The following KCNQ1OT1 variants were observed in gnomAD, a reference collection of about 807,000 sequenced individuals.
The protein encoded by KCNQ1OT1 is KCNQ1 opposite strand/antisense transcript 1.
At position 2,673,604 on chromosome 11, in the gene KCNQ1OT1, G is replaced by A. The variant is rs987560776; in HGVS notation, n.26391C>T. 1.3e-5 allele frequency: 5 copies of A among 398,642 alleles called. No individual in the cohort carries two copies. The highest frequency in any genetic ancestry group is 1.3e-4 in the South Asian group (1 of 7,866). The allele number at this position is 398,642 out of a possible 1,614,324, so 24.7% of individuals were successfully genotyped here. On this transcript the variant is annotated non_coding_transcript_exon_variant, in exon 1 of 1. Transcript: ENST00000597346. This position sits in a 1 kb window ranked among gnomAD's most constrained non-coding sequence, Gnocchi z 4.5. Reference sequence around the variant, plus strand: ...TACTTGGGCTAAAGAGAAGCTAAACGTGACCAGCCTACCCACCTTGCTACT... The same window carrying A: ...TACTTGGGCTAAAGAGAAGCTAAACATGACCAGCCTACCCACCTTGCTACT...
chr11:2,676,144 C>CTGTA lies in KCNQ1OT1; in HGVS notation n.23847_23850dup. The CTGTA allele has an allele frequency of 5.0e-6, 2 of 398,586 alleles. No homozygotes were observed. Among genetic ancestry groups the CTGTA allele is most frequent in the East Asian group, 7.1e-5 (2 of 28,080 alleles). The allele number at this position is 398,586 out of a possible 1,614,324, so 24.7% of individuals were successfully genotyped here. ...TCCTTTTTATACAAATGGTAGCATA[C>CTGTA]TGTATGTATTTTTCTACACTTTGCC... On this transcript the variant is annotated non_coding_transcript_exon_variant, in exon 1 of 1. Coordinates refer to ENST00000597346, the Ensembl canonical transcript of KCNQ1OT1. The surrounding 1 kb of genome is among the most constrained non-coding windows in gnomAD (Gnocchi z 4.2).
chr11:2,660,617 A>G (rs1284252131), exon 1 of KCNQ1OT1: 2 of 398,548 alleles, frequency 5.0e-6, no homozygotes, highest in Admixed American at 4.4e-5. Flanking sequence ...TGCCAAGCCC[A>G]TAAAAGGTAT....
chr11:2,678,966 G>C lies in KCNQ1OT1; in HGVS notation n.21029C>G. 2.5e-6 allele frequency: 1 copy of C among 398,574 alleles called. No individual in the cohort carries two copies. Among genetic ancestry groups the C allele is most frequent in the Non-Finnish European group, 4.4e-6 (1 of 226,058 alleles). The allele number at this position is 398,574 out of a possible 1,614,324, so 24.7% of individuals were successfully genotyped here. A position where few individuals can be genotyped will look rare whatever the true frequency, so the allele number is the denominator to read the frequency against. On this transcript the variant is annotated non_coding_transcript_exon_variant, in exon 1 of 1. Coordinates refer to ENST00000597346, the Ensembl canonical transcript of KCNQ1OT1. The surrounding 1 kb of genome is among the most constrained non-coding windows in gnomAD (Gnocchi z 4.9). ...TGCTAACTCAATAGAGAACAAAAGA[G>C]CAAATAGGCCTAATTCAAGAATTTT... is the stretch of plus-strand genomic sequence containing the variant.
In KCNQ1OT1 at chr11:2,669,102, T is replaced by G. The variant is rs1850136299; in HGVS notation, n.30893A>C. The G allele has an allele frequency of 2.5e-6, 1 of 398,592 alleles. No homozygotes were observed. The highest frequency in any genetic ancestry group is 4.4e-5 in the Admixed American group (1 of 22,722). 24.7% of individuals were successfully genotyped at this position (398,592 alleles called of 1,614,324 possible). On this transcript the variant is annotated non_coding_transcript_exon_variant, in exon 1 of 1. Transcript: ENST00000597346. This position sits in a 1 kb window ranked among gnomAD's most constrained non-coding sequence, Gnocchi z 5.6. The stretch of plus-strand genomic sequence containing the variant: ...ATCAGTGTCTTTACAATCAGCTCAC[T>G]GGCTACGTGTGGCTCTGTTTCTGGA...
exon 1 of KCNQ1OT1, chr11:2,681,910 A>G: frequency 2.5e-6 from 1 of 398,636 alleles, no homozygotes. Context: ...GCCATAATGA[A>G]CACACGTTTA....
exon 1 of KCNQ1OT1, chr11:2,641,489 G>T (rs891617936): frequency 1.3e-5 from 5 of 397,734 alleles, no homozygotes; most frequent in African/African-American, 4.1e-5. Flanking sequence ...GAATTAATTT[G>T]TTGTTTACTA....
chr11:2,663,799 C>T lies in KCNQ1OT1; in HGVS notation n.36196G>A. 1 of 398,712 alleles carries T rather than the reference C, an allele frequency of 2.5e-6. No individual in the cohort carries two copies. The highest frequency in any genetic ancestry group is 4.4e-6 in the Non-Finnish European group (1 of 226,126). 24.7% of individuals were successfully genotyped at this position (398,712 alleles called of 1,614,324 possible). On this transcript the variant is annotated non_coding_transcript_exon_variant, in exon 1 of 1. Coordinates refer to ENST00000597346, the Ensembl canonical transcript of KCNQ1OT1. This position sits in a 1 kb window ranked among gnomAD's most constrained non-coding sequence, Gnocchi z 5.2. The stretch of plus-strand genomic sequence containing the variant: ...CTTGCAGCTGCCCAGTAAATCACCA[C>T]TATGGGGGTGAGGGCTGCCAGTGCT...
At position 2,679,209 on chromosome 11, in the gene KCNQ1OT1, C is replaced by G. The variant is rs1393311626; in HGVS notation, n.20786G>C. Reference sequence around the variant, plus strand: ...GCCACCTGTAACAATGCAGCCCCATCCATGTGAAGCTGGTCCAGAGGACTA... The same window carrying G: ...GCCACCTGTAACAATGCAGCCCCATGCATGTGAAGCTGGTCCAGAGGACTA... On this transcript the variant is annotated non_coding_transcript_exon_variant, in exon 1 of 1. Coordinates refer to ENST00000597346, the Ensembl canonical transcript of KCNQ1OT1. This position sits in a 1 kb window ranked among gnomAD's most constrained non-coding sequence, Gnocchi z 4.8. The G allele has an allele frequency of 2.5e-6, 1 of 398,510 alleles. No homozygotes were observed. Among genetic ancestry groups the G allele is most frequent in the Non-Finnish European group, 4.4e-6 (1 of 226,092 alleles). The allele number at this position is 398,510 out of a possible 1,614,324, so 24.7% of individuals were successfully genotyped here.
At chr11:2,686,009 G>A (rs1159408782) in exon 1 of KCNQ1OT1, 1 of 398,934 alleles carries the variant, frequency 2.5e-6, no homozygotes. Flanking sequence ...AGAAGAGTCA[G>A]GGGGGCTCAC....
rs1849884410 is a variant in KCNQ1OT1 at position 2,658,110 on chromosome 11, C to A, written n.41885G>T. 2 of 398,016 alleles carry A rather than the reference C, an allele frequency of 5.0e-6. No individual in the cohort carries two copies. The highest frequency in any genetic ancestry group is 2.1e-5 in the African/African-American group (1 of 48,490). The allele number at this position is 398,016 out of a possible 1,614,324, so 24.7% of individuals were successfully genotyped here. On this transcript the variant is annotated non_coding_transcript_exon_variant, in exon 1 of 1. Coordinates refer to ENST00000597346, the Ensembl canonical transcript of KCNQ1OT1. The surrounding 1 kb of genome is among the most constrained non-coding windows in gnomAD (Gnocchi z 4.9). ...AACTCTACCTCCTGCAGGAGAGTAT[C>A]AAAAAAAATCTGCAAATATGTTAAA...
exon 1 of KCNQ1OT1, chr11:2,680,638 A>T: frequency 2.5e-6 from 1 of 398,604 alleles, no homozygotes; most frequent in African/African-American, 2.1e-5. Context: ...TCTGACCAGG[A>T]TATTGCATTG....
chr11:2,628,529 ATATT>A, exon 1 of KCNQ1OT1: 1 of 398,450 alleles, frequency 2.5e-6, no homozygotes, highest in Non-Finnish European at 4.4e-6. Context: ...TTCCTTATAT[ATATT>A]GGATATTAAT....
exon 1 of KCNQ1OT1, chr11:2,644,232 C>T: frequency 2.5e-6 from 1 of 398,482 alleles, no homozygotes; most frequent in Non-Finnish European, 4.4e-6. Context: ...GAAGGTGTCA[C>T]CTTATGGCAT....
chr11:2,693,195 TC>T, exon 1 of KCNQ1OT1: 1 of 398,716 alleles, frequency 2.5e-6, no homozygotes, highest in Non-Finnish European at 4.4e-6. Flanking sequence ...GGCTCTGCGT[TC>T]CAGTCAGACC....
In KCNQ1OT1 at chr11:2,679,076, C is replaced by T. The variant is rs182498922; in HGVS notation, n.20919G>A. 2 of 398,640 alleles carry T rather than the reference C, an allele frequency of 5.0e-6. No individual in the cohort carries two copies. The highest frequency in any genetic ancestry group is 8.8e-5 in the Admixed American group (2 of 22,744). 24.7% of individuals were successfully genotyped at this position (398,640 alleles called of 1,614,324 possible). A position where few individuals can be genotyped will look rare whatever the true frequency, so the allele number is the denominator to read the frequency against. ...AACCACCAAAAAAACCCACTAACACCATAAAGTGTCATAGCTAGAGCTAGA... is the reference window on the plus strand; with the variant it reads ...AACCACCAAAAAAACCCACTAACACTATAAAGTGTCATAGCTAGAGCTAGA... On this transcript the variant is annotated non_coding_transcript_exon_variant, in exon 1 of 1. Coordinates refer to ENST00000597346, the Ensembl canonical transcript of KCNQ1OT1. This position sits in a 1 kb window ranked among gnomAD's most constrained non-coding sequence, Gnocchi z 4.8.
chr11:2,608,511 T>C lies in KCNQ1OT1; in HGVS notation n.91484A>G. ...CTTTTTGAGAAACAGAGTCTCTCTCTGTTGCCCAGGCTGGAATAGAGTGGT... is the reference window on the plus strand; with the variant it reads ...CTTTTTGAGAAACAGAGTCTCTCTCCGTTGCCCAGGCTGGAATAGAGTGGT... On this transcript the variant is annotated non_coding_transcript_exon_variant, in exon 1 of 1. Transcript: ENST00000597346. The surrounding 1 kb of genome is among the most constrained non-coding windows in gnomAD (Gnocchi z 4.6). The C allele has an allele frequency of 2.5e-6, 1 of 398,552 alleles. No individual in the cohort carries two copies. The highest frequency in any genetic ancestry group is 4.4e-6 in the Non-Finnish European group (1 of 226,008). 24.7% of individuals were successfully genotyped at this position (398,552 alleles called of 1,614,324 possible).
exon 1 of KCNQ1OT1, chr11:2,686,899 A>G (rs1409777996): frequency 5.0e-6 from 2 of 398,590 alleles, no homozygotes; most frequent in Admixed American, 8.8e-5. Flanking sequence ...CTGAAGATAG[A>G]GGCAACCCAA....
In KCNQ1OT1 at chr11:2,619,450, G is replaced by A. The variant is rs572529238; in HGVS notation, n.80545C>T. 42 of 398,512 alleles carry A rather than the reference G, an allele frequency of 1.1e-4. No individual in the cohort carries two copies. In the South Asian group the frequency reaches 5.2e-3, roughly 50 times the overall value. The allele number at this position is 398,512 out of a possible 1,614,324, so 24.7% of individuals were successfully genotyped here. A position where few individuals can be genotyped will look rare whatever the true frequency, so the allele number is the denominator to read the frequency against. ...ATGATCATGTGGTTTTCATCTTTCA[G>A]TCTGTTAGTATCACATTGATTGCTA... On this transcript the variant is annotated non_coding_transcript_exon_variant, in exon 1 of 1. Coordinates refer to ENST00000597346, the Ensembl canonical transcript of KCNQ1OT1.
exon 1 of KCNQ1OT1, chr11:2,619,914 T>C (rs917376403): frequency 2.0e-5 from 8 of 398,304 alleles, no homozygotes; most frequent in African/African-American, 1.6e-4. Context: ...TTGCATGGTA[T>C]ATGGAGTATA....
Sources: allele counts gnomAD v4.1 joint callset, GRCh38; gene constraint gnomAD v4.1.1; non-coding constraint Gnocchi (gnomAD v3.1); transcripts MANE v1.5; gene names NCBI Gene and HGNC (gene_info 2026-07-23, HGNC 2026-07-21).